The following WDR20 variants were observed in gnomAD, a reference collection of about 807,000 sequenced individuals.
WDR20 encodes WD repeat-containing protein 20.
A neutral mutation model predicts 38.7 loss-of-function variants in WDR20; 3 were observed. That is an observed-to-expected ratio of 0.08 (90% CI 0.04 to 0.20). WDR20 has a LOEUF of 0.20. Ranked by LOEUF, WDR20 falls within the 10% of genes least tolerant of loss-of-function variation. The pLI, the probability that WDR20 is intolerant of heterozygous loss-of-function variation, is 1.00. For missense variants in WDR20, 559 were observed against 727.7 expected, an observed-to-expected ratio of 0.77 and a Z score of 2.67; for synonymous variants, 298 against 285.6, an observed-to-expected ratio of 1.04 and a Z score of -0.44.
intron 1 of WDR20, among the ~76,000 whole-genome samples, chr14:102,162,403 G>T (rs1566862740): frequency 6.6e-6 from 1 of 152,230 alleles, no homozygotes; most frequent in East Asian, 1.9e-4. Context: ...CTACTGGACT[G>T]TGAATCTTGA....
downstream of WDR20, among the ~76,000 whole-genome samples, chr14:102,216,752 A>G (rs2063266956): frequency 6.6e-6 from 1 of 152,118 alleles, no homozygotes; most frequent in Admixed American, 6.5e-5. Flanking sequence ...CATCATGGCA[A>G]ACCCCCATCT....
At chr14:102,195,757 T>A (rs2059306746) in intron 2 of WDR20, 1 of 152,256 alleles carries the variant, frequency 6.6e-6, no homozygotes, top group Non-Finnish European at 1.5e-5. Flanking sequence ...ATGTCAGGAC[T>A]GTTAAATGTG....
chr14:102,214,640 G>A (rs901197355), downstream of WDR20: 17 of 984,698 alleles, frequency 1.7e-5, no homozygotes, highest in Admixed American at 4.9e-4. Flanking sequence ...TATGTTAGGC[G>A]ACACTGTATA....
rs1567111605 is a variant in WDR20, at chr14:102,222,808, A to T, written c.1693-22A>T. The T allele has an allele frequency of 1.2e-6, 2 of 1,614,126 alleles. No homozygotes were observed. The highest frequency in any genetic ancestry group is 2.2e-5 in the East Asian group (1 of 44,874). ...GCCCGTCCGGTGTTTTGCTGGATTA[A>T]TGTAGACTGCTTTGTTTGCAGGGCT... On this transcript the variant is annotated intron_variant, in intron 3 of 3. Transcript: ENST00000335263. The surrounding 1 kb of genome is among the most constrained non-coding windows in gnomAD (Gnocchi z 4.4).
chr14:102,209,664 TACCAAA>T lies in WDR20; in HGVS notation c.1503_1508del (p.Lys502_Thr503del). On this transcript the variant is annotated inframe_deletion, in exon 3 of 3. Transcript: ENST00000342702. The surrounding 1 kb of genome is among the most constrained non-coding windows in gnomAD (Gnocchi z 6.0). The stretch of plus-strand genomic sequence containing the variant: ...AGAGCAGTGACAAACTGAATCTAGT[TACCAAA>T]ACCAAAACGGACCCTGCTAAAACTC... 1.2e-6 allele frequency: 2 copies of T among 1,614,174 alleles called. No individual in the cohort carries two copies. Among genetic ancestry groups the T allele is most frequent in the Non-Finnish European group, 1.7e-6 (2 of 1,180,026 alleles).
chr14:102,177,417 C>T (rs924653104), intron 1 of WDR20, among the ~76,000 whole-genome samples: 3 of 152,128 alleles, frequency 2.0e-5, no homozygotes, highest in African/African-American at 7.2e-5. Context: ...GTGCCAGAAG[C>T]CTGTACTGTG....
chr14:102,215,345 C>T (rs1236179303), downstream of WDR20, among the ~76,000 whole-genome samples: 6 of 152,192 alleles, frequency 3.9e-5, no homozygotes, highest in Non-Finnish European at 7.3e-5. Flanking sequence ...GGGCCACGAG[C>T]TGGCTTTTGT....
intron 2 of WDR20, among the ~76,000 whole-genome samples, chr14:102,196,243 T>G (rs2059385373): frequency 6.6e-6 from 1 of 152,146 alleles, no homozygotes; most frequent in South Asian, 2.1e-4. Context: ...CTCTTCTAGT[T>G]TCCTCTGAGT....
At chr14:102,145,080 C>T (rs2053117566) in intron 1 of WDR20, among the ~76,000 whole-genome samples, 1 of 152,142 alleles carries the variant, frequency 6.6e-6, no homozygotes. Context: ...ACAAAGCTCC[C>T]TTAGAATAGG....
chr14:102,146,886 A>G (rs1415636590), intron 1 of WDR20, among the ~76,000 whole-genome samples: 1 of 152,182 alleles, frequency 6.6e-6, no homozygotes, highest in Admixed American at 6.5e-5. Context: ...ACTTTGAGAA[A>G]TCTTGTACTT....
chr14:102,214,060 C>G, downstream of WDR20: 1 of 985,624 alleles, frequency 1.0e-6, no homozygotes, highest in South Asian at 4.7e-5. Context: ...AGGGACTGGC[C>G]TCTGACTGCG....
At chr14:102,187,013 TG>T (rs1338671078) in intron 1 of WDR20, among the ~76,000 whole-genome samples, 2 of 152,064 alleles carry the variant, frequency 1.3e-5, no homozygotes, top group Admixed American at 6.5e-5. Context: ...TGGTTTATTT[TG>T]GATCTCAGGT....
In WDR20 at chr14:102,222,937, G is replaced by C; in HGVS notation, c.*54G>C. ...CGGGACTTGGACTCGAGGGAGTGAC[G>C]AGGAGGAGCTCCGAGCTGCGCCTGA... is the stretch of plus-strand genomic sequence containing the variant. On this transcript the variant is annotated 3_prime_UTR_variant, in exon 4 of 4. Transcript: ENST00000335263. This position sits in a 1 kb window ranked among gnomAD's most constrained non-coding sequence, Gnocchi z 4.4. 1 of 1,605,106 alleles carries C rather than the reference G, an allele frequency of 6.2e-7. No homozygotes were observed. The highest frequency in any genetic ancestry group is 8.5e-7 in the Non-Finnish European group (1 of 1,172,780).
Position 102,152,956 on chromosome 14 carries a change from C to G in WDR20, c.249+12784C>G, listed in dbSNP as rs141703490. On this transcript the variant is annotated intron_variant, in intron 1 of 2. Transcript: ENST00000342702. ...AGGACTAGGAGTCTCATTGGGAGCTCTGGTCCCTGCCCAAATCTCATGTTG... is the reference window on the plus strand; with the variant it reads ...AGGACTAGGAGTCTCATTGGGAGCTGTGGTCCCTGCCCAAATCTCATGTTG... Among the ~76,000 whole-genome samples the G allele has an allele frequency of 6.4e-4, 97 of 152,252 alleles. 3 individuals carry two copies. In the South Asian group the frequency reaches 8.9e-3, roughly 14 times the overall value.
intron 1 of WDR20, among the ~76,000 whole-genome samples, chr14:102,161,142 ATTTTTTT>A (rs1233679287): frequency 6.2e-5 from 1 of 16,032 alleles, no homozygotes; most frequent in African/African-American, 3.2e-4. Context: ...ATATATATAT[ATTTTTTT>A]TTTTTTTTTT....
At position 102,222,132 on chromosome 14, in the gene WDR20, A is replaced by T. The variant is rs967996962; in HGVS notation, c.1693-698A>T. Among the ~76,000 whole-genome samples the T allele has an allele frequency of 6.6e-6, 1 of 151,154 alleles. No homozygotes were observed. Among genetic ancestry groups the T allele is most frequent in the Non-Finnish European group, 1.5e-5 (1 of 67,790 alleles). On this transcript the variant is annotated intron_variant, in intron 3 of 3. Transcript: ENST00000335263. The surrounding 1 kb of genome is among the most constrained non-coding windows in gnomAD (Gnocchi z 4.4). ...AGCCTCTCAGCAGGAGCCGCCCTAA[A>T]GAGCCAGATGCCCCCCACCATTCTT...
chr14:102,191,631 T>C (rs2066464387), intron 1 of WDR20, among the ~76,000 whole-genome samples: 1 of 152,174 alleles, frequency 6.6e-6, no homozygotes, highest in African/African-American at 2.4e-5. Context: ...TACAATTTTT[T>C]TTATGGGCAC....
intron 1 of WDR20, among the ~76,000 whole-genome samples, chr14:102,173,049 G>A (rs2061288991): frequency 6.6e-6 from 1 of 150,842 alleles, no homozygotes; most frequent in South Asian, 2.1e-4. Context: ...TTCCTAGATG[G>A]GATGGCAGCC....
At chr14:102,187,002 G>T (rs1408388911) in intron 1 of WDR20, among the ~76,000 whole-genome samples, 1 of 151,824 alleles carries the variant, frequency 6.6e-6, no homozygotes, top group Non-Finnish European at 1.5e-5. Context: ...TCTTTGCAGT[G>T]TGGTTTATTT....
Sources: allele counts gnomAD v4.1 joint callset (sites outside exome capture counted in the v4.1 genomes callset), GRCh38; gene constraint gnomAD v4.1.1; non-coding constraint Gnocchi (gnomAD v3.1); transcripts MANE v1.5; gene names NCBI Gene and HGNC (gene_info 2026-07-23, HGNC 2026-07-21).